Variants in CLIP4 observed in about 807,000 individuals in gnomAD.
CLIP4 encodes the protein CAP-Gly domain containing linker protein family member 4, also known as CAP-Gly domain-containing linker protein 4.
A neutral mutation model predicts 73.1 loss-of-function variants in CLIP4; 47 were observed. That is an observed-to-expected ratio of 0.64 (90% CI 0.51 to 0.82). CLIP4 has a LOEUF of 0.82. CLIP4 is among the 40% of genes least tolerant of loss of function. CLIP4 has a pLI of 0.00. For synonymous variants in CLIP4, 306 were observed against 295.4 expected, an observed-to-expected ratio of 1.04 and a Z score of -0.37; for missense variants, 874 against 852.9, an observed-to-expected ratio of 1.02 and a Z score of -0.31.
At chr2:29,151,856 A>G (rs1022618574) in intron 8 of CLIP4, among the ~76,000 whole-genome samples, 1 of 152,052 alleles carries the variant, frequency 6.6e-6, no homozygotes, top group Non-Finnish European at 1.5e-5. Context: ...ATGTCGGTGC[A>G]TACTTTGTAT....
chr2:29,131,898 A>G, intron 3 of CLIP4: 1 of 435,230 alleles, frequency 2.3e-6, no homozygotes, highest in Non-Finnish European at 4.0e-6. Context: ...TTTGAGAGGA[A>G]CATATTTGGA....
chr2:29,113,182 A>G (rs74469290), upstream of CLIP4, among the ~76,000 whole-genome samples: 349 of 152,328 alleles, frequency 2.3e-3, 1 homozygote, highest in African/African-American at 8.1e-3. This position sits in a 1 kb window ranked among gnomAD's most constrained non-coding sequence, Gnocchi z 4.0. Flanking sequence ...CAAGATTTCC[A>G]TAGGTCAAGT....
At chr2:29,168,467 C>T (rs1667770774) in intron 14 of CLIP4, among the ~76,000 whole-genome samples, 1 of 142,932 alleles carries the variant, frequency 7.0e-6, no homozygotes, top group African/African-American at 2.6e-5. Context: ...GGCAGAGCTC[C>T]TTAATTTTTT....
chr2:29,173,649 A>G (rs1007376182), intron 14 of CLIP4, among the ~76,000 whole-genome samples: 5 of 152,202 alleles, frequency 3.3e-5, no homozygotes, highest in African/African-American at 1.2e-4. Context: ...TAAAAATTAT[A>G]GTTTTAAACT....
intron 2 of CLIP4, among the ~76,000 whole-genome samples, chr2:29,126,420 A>G (rs1664608824): frequency 6.6e-6 from 1 of 152,164 alleles, no homozygotes; most frequent in African/African-American, 2.4e-5. Flanking sequence ...TATATTATCT[A>G]TCCCTTTGTT....
chr2:29,130,910 A>G (rs1202498229), intron 2 of CLIP4: 2 of 1,290,232 alleles, frequency 1.6e-6, no homozygotes, highest in Non-Finnish European at 2.0e-6. Context: ...AGCAAGTAGA[A>G]TAATAGAGGA....
chr2:29,179,820 A>C (rs1265643156), intron 15 of CLIP4, among the ~76,000 whole-genome samples: 1 of 152,130 alleles, frequency 6.6e-6, no homozygotes, highest in Non-Finnish European at 1.5e-5. Flanking sequence ...TAGGTATTAC[A>C]TGTTTCTTTA....
At chr2:29,175,224 G>A (rs1668256121) in intron 15 of CLIP4, 1 of 152,260 alleles carries the variant, frequency 6.6e-6, no homozygotes, top group African/African-American at 2.4e-5. Context: ...GTATTGGCAA[G>A]CTTCACAGAG....
In CLIP4 at chr2:29,166,648, C is replaced by T. The variant is rs76352265; in HGVS notation, c.1659-828C>T. Among the ~76,000 whole-genome samples, 517 of 152,164 alleles carry T rather than the reference C, an allele frequency of 3.4e-3. 2 individuals carry two copies. The highest frequency in any genetic ancestry group is 0.012 in the African/African-American group (499 of 41,524). Reference sequence around the variant, plus strand: ...CTTACTACTAATGAACTGATTACTTCTAGAATTCACTCCCTCTCAACTGTC... The same window carrying T: ...CTTACTACTAATGAACTGATTACTTTTAGAATTCACTCCCTCTCAACTGTC... On this transcript the variant is annotated intron_variant, in intron 13 of 15. Transcript: ENST00000320081.
In CLIP4 at chr2:29,174,403, C is replaced by T; in HGVS notation, c.1754C>T (p.Ala585Val). 1 of 1,612,694 alleles carries T rather than the reference C, an allele frequency of 6.2e-7. No homozygotes were observed. Among genetic ancestry groups the T allele is most frequent in the Non-Finnish European group, 8.5e-7 (1 of 1,179,694 alleles). ...GFRRSFSTTS[A>V]SSQKEINRRN... is the part of the protein sequence containing the mutation. ...AGGAGAAGTTTTAGCACAACTTCTG[C>T]TTCTTCCCAAAAGGAGATTAACAGA... is the stretch of plus-strand genomic sequence containing the variant. Residue 585 changes from alanine (A) to valine (V), a missense_variant, in exon 15 of 16, where the codon GCT becomes GTT. By Grantham distance (64) the Ala-to-Val change is moderately conservative (BLOSUM62 0). Transcript: ENST00000320081.
intron 1 of CLIP4, among the ~76,000 whole-genome samples, chr2:29,107,381 T>TG (rs1668254482): frequency 3.1e-5 from 4 of 129,402 alleles, no homozygotes; most frequent in African/African-American, 1.2e-4. Context: ...TTTTTTTTTT[T>TG]TTTTTTTTGA....
At chr2:29,132,008 C>A in intron 3 of CLIP4, 144 bp from the exon 4 acceptor site, 1 of 554,650 alleles carries the variant, frequency 1.8e-6, no homozygotes. Flanking sequence ...AAAAATTTAC[C>A]CTTAAGATAT....
In CLIP4 at chr2:29,181,948, C is replaced by A; in HGVS notation, c.*55C>A. ...TATATATTTGGTGTAAATAAAGAGT[C>A]CATGGTAAATGGTTTACTTTATTTA... On this transcript the variant is annotated 3_prime_UTR_variant, in exon 16 of 16. Coordinates refer to ENST00000320081, the MANE Select transcript of CLIP4 (RefSeq NM_024692.6). 2 of 1,402,892 alleles carry A rather than the reference C, an allele frequency of 1.4e-6. No individual in the cohort carries two copies. The highest frequency in any genetic ancestry group is 1.9e-6 in the Non-Finnish European group (2 of 1,035,424). 86.9% of individuals were successfully genotyped at this position (1,402,892 alleles called of 1,614,324 possible).
intron 3 of CLIP4, chr2:29,131,854 T>C (rs1572907358): frequency 5.6e-6 from 2 of 359,364 alleles, no homozygotes; most frequent in Non-Finnish European, 1.0e-5. Context: ...TTTTCAAATA[T>C]CATTACACGC....
chr2:29,140,310 A>G (rs1231666895), intron 6 of CLIP4, among the ~76,000 whole-genome samples: 1 of 151,870 alleles, frequency 6.6e-6, no homozygotes, highest in Non-Finnish European at 1.5e-5. Flanking sequence ...ATTCCCACCT[A>G]TGAGTGAGAA....
intron 15 of CLIP4, among the ~76,000 whole-genome samples, chr2:29,178,456 C>T (rs568931960): frequency 3.3e-5 from 5 of 152,214 alleles, no homozygotes; most frequent in African/African-American, 1.2e-4. Flanking sequence ...TCAGGGATTA[C>T]AGGTGTGCAC....
chr2:29,122,522 T>C (rs1488624414), intron 2 of CLIP4, among the ~76,000 whole-genome samples: 2 of 152,312 alleles, frequency 1.3e-5, no homozygotes, highest in South Asian at 2.1e-4. Context: ...AATCATTTTA[T>C]TTTTGTTTAT....
intron 6 of CLIP4, among the ~76,000 whole-genome samples, chr2:29,140,306 A>G (rs1665671605): frequency 6.6e-6 from 1 of 151,634 alleles, no homozygotes. Flanking sequence ...TTCAATTCCC[A>G]CCTATGAGTG....
At chr2:29,159,889 A>G (rs959285496) in intron 11 of CLIP4, among the ~76,000 whole-genome samples, 1 of 152,238 alleles carries the variant, frequency 6.6e-6, no homozygotes, top group Non-Finnish European at 1.5e-5. Flanking sequence ...TGAAAAAAAT[A>G]TATTGTCTAT....
Sources: allele counts gnomAD v4.1 joint callset (sites outside exome capture counted in the v4.1 genomes callset), GRCh38; gene constraint gnomAD v4.1.1; non-coding constraint Gnocchi (gnomAD v3.1); transcripts MANE v1.5; gene names NCBI Gene and HGNC (gene_info 2026-07-23, HGNC 2026-07-21).